PALM2AKAP2: variants seen among roughly 807,000 people sequenced by gnomAD.
PALM2AKAP2 encodes the protein PALM2-AKAP2 fusion protein.
In PALM2AKAP2, 37 loss-of-function variants were observed where a neutral mutation model predicts 71.5. That is an observed-to-expected ratio of 0.52 (90% CI 0.40 to 0.68). PALM2AKAP2 has a LOEUF of 0.68. PALM2AKAP2 is among the 30% of genes least tolerant of loss of function. The pLI is 0.00. For synonymous variants in PALM2AKAP2, 468 were observed against 478.8 expected (o/e 0.98, Z 0.29); for missense variants, 1,224 against 1,191.8 (o/e 1.03, Z -0.40).
At chr9:109,756,685 CCCCAGAAG>C (rs1828968957) in intron 1 of PALM2AKAP2, among the ~76,000 whole-genome samples, 1 of 152,140 alleles carries the variant, frequency 6.6e-6, no homozygotes, top group African/African-American at 2.4e-5. Flanking sequence ...GTTAATTTCT[CCCCAGAAG>C]TTAACCAGAT....
chr9:109,900,086 C>T (rs1830295696), intron 3 of PALM2AKAP2, among the ~76,000 whole-genome samples: 1 of 152,158 alleles, frequency 6.6e-6, no homozygotes, highest in African/African-American at 2.4e-5. Context: ...AGATGACATG[C>T]CCATGGATAC....
exon 2 of PALM2AKAP2, chr9:110,137,446 A>G (rs533753392): frequency 1.2e-6 from 2 of 1,614,076 alleles, no homozygotes; most frequent in Non-Finnish European, 1.7e-6. Context: ...CATCGGCAGC[A>G]GGAAGCCAGG....
chr9:110,128,769 G>A lies in PALM2AKAP2; in HGVS notation c.157-7358G>A, dbSNP rs537322990. Among the ~76,000 whole-genome samples the A allele has an allele frequency of 1.3e-3, 192 of 152,334 alleles. 1 individual carries two copies. The highest frequency in any genetic ancestry group is 4.4e-3 in the African/African-American group (184 of 41,578). ...GAACACAGTGAACATTGTCCTTGTG[G>A]TGAAGGACACCTTTCTGCTCTCCGC... On this transcript the variant is annotated intron_variant, in intron 1 of 3. Transcript: ENST00000374525.
intron 1 of PALM2AKAP2, among the ~76,000 whole-genome samples, chr9:110,066,789 C>T (rs1456437253): frequency 6.6e-6 from 1 of 151,506 alleles, no homozygotes; most frequent in East Asian, 1.9e-4. Flanking sequence ...ACATATTGCC[C>T]ACTAACATTT....
intron 1 of PALM2AKAP2, among the ~76,000 whole-genome samples, chr9:110,092,968 G>C (rs553105313): frequency 6.6e-6 from 1 of 152,236 alleles, no homozygotes; most frequent in Non-Finnish European, 1.5e-5. Context: ...TGCTCTGATT[G>C]GTCAGACTTA....
intron 1 of PALM2AKAP2, among the ~76,000 whole-genome samples, chr9:109,785,285 G>A (rs757144261): frequency 9.9e-5 from 15 of 152,150 alleles, no homozygotes; most frequent in Non-Finnish European, 1.9e-4. Context: ...AATGATCTTT[G>A]CATTTGTGCA....
At chr9:109,678,323 T>C (rs1396651401) in intron 1 of PALM2AKAP2, among the ~76,000 whole-genome samples, 1 of 152,250 alleles carries the variant, frequency 6.6e-6, no homozygotes, top group Admixed American at 6.5e-5. Flanking sequence ...AAGATTTTGA[T>C]CATTTTAATG....
chr9:109,911,706 T>G (rs961909290), intron 3 of PALM2AKAP2, among the ~76,000 whole-genome samples: 1 of 152,240 alleles, frequency 6.6e-6, no homozygotes, highest in Non-Finnish European at 1.5e-5. Context: ...CACTATAGAA[T>G]CCTTTAGAAG....
intron 1 of PALM2AKAP2, among the ~76,000 whole-genome samples, chr9:109,723,445 C>A (rs775049587): frequency 6.6e-6 from 1 of 152,074 alleles, no homozygotes; most frequent in Non-Finnish European, 1.5e-5. Context: ...AAAAGATGAC[C>A]GAGACCCCAT....
chr9:110,027,295 T>G (rs1045811693), intron 7 of PALM2AKAP2, among the ~76,000 whole-genome samples: 1 of 152,158 alleles, frequency 6.6e-6, no homozygotes, highest in East Asian at 1.9e-4. Context: ...AACGACTGGA[T>G]AAAATGACAT....
chr9:109,937,014 C>T (rs1372453328), intron 6 of PALM2AKAP2, among the ~76,000 whole-genome samples: 1 of 152,222 alleles, frequency 6.6e-6, no homozygotes, highest in Non-Finnish European at 1.5e-5. Context: ...GTATTCATGT[C>T]CATTGCTCTT....
intron 3 of PALM2AKAP2, among the ~76,000 whole-genome samples, chr9:109,896,842 T>C (rs997631789): frequency 3.3e-5 from 5 of 152,140 alleles, no homozygotes; most frequent in African/African-American, 1.2e-4. Flanking sequence ...ATTTAAATGT[T>C]CGAAAGAACA....
intron 1 of PALM2AKAP2, among the ~76,000 whole-genome samples, chr9:109,641,896 C>T (rs1426250132): frequency 6.6e-6 from 1 of 152,088 alleles, no homozygotes; most frequent in African/African-American, 2.4e-5. Flanking sequence ...CAATTTAATC[C>T]TCAGAAAGGC....
intron 1 of PALM2AKAP2, among the ~76,000 whole-genome samples, chr9:109,763,113 C>A (rs750988557): frequency 3.9e-5 from 6 of 152,126 alleles, no homozygotes; most frequent in Non-Finnish European, 8.8e-5. Flanking sequence ...CCTTGAGAAG[C>A]AGGTCCCAAA....
chr9:109,872,360 G>A (rs10759382), intron 2 of PALM2AKAP2, among the ~76,000 whole-genome samples: 81,520 of 151,808 alleles, frequency 0.54, 24,100 homozygotes, highest in Non-Finnish European at 0.66. Context: ...TGGTTGAATT[G>A]CCAGAGATTT....
At chr9:110,132,666 A>G (rs1375672372) in intron 1 of PALM2AKAP2, among the ~76,000 whole-genome samples, 4 of 151,660 alleles carry the variant, frequency 2.6e-5, no homozygotes, top group Non-Finnish European at 1.5e-5. Flanking sequence ...CCCAGACTGG[A>G]ATGCAGTGGC....
chr9:110,111,106 T>C (rs1321121799), intron 1 of PALM2AKAP2, among the ~76,000 whole-genome samples: 3 of 142,130 alleles, frequency 2.1e-5, no homozygotes, highest in Non-Finnish European at 3.1e-5. Flanking sequence ...TTTTTTTTTT[T>C]TTTGAGACGG....
exon 4 of PALM2AKAP2, chr9:110,168,780 C>G: frequency 2.9e-6 from 1 of 343,742 alleles, no homozygotes; most frequent in Non-Finnish European, 5.4e-6. Flanking sequence ...AAGGACAAAA[C>G]ATGTTACAAG....
chr9:110,079,298 C>A (rs1355799688), intron 1 of PALM2AKAP2, among the ~76,000 whole-genome samples: 4 of 152,006 alleles, frequency 2.6e-5, no homozygotes, highest in Admixed American at 2.6e-4. Flanking sequence ...GGGATTGAGA[C>A]CAGCCTGGCC....
Sources: gnomAD v4.1 joint callset for allele counts (sites outside exome capture counted in the v4.1 genomes callset) on GRCh38, gnomAD v4.1.1 for gene constraint, MANE v1.5 for transcripts, NCBI Gene and HGNC (gene_info 2026-07-23, HGNC 2026-07-21) for gene names.